Variants in DNMBP observed in about 807,000 individuals in gnomAD.
DNMBP encodes dynamin binding protein.
In DNMBP, 87 loss-of-function variants were observed where a neutral mutation model predicts 150.0. The ratio of observed to expected loss-of-function variants is 0.58; its 90% CI spans 0.49 to 0.69. The LOEUF (loss-of-function observed/expected upper bound fraction) is 0.69, where lower values mean the gene tolerates loss of function less well. Ranked by LOEUF, DNMBP falls within the 30% of genes least tolerant of loss-of-function variation. The pLI, the probability that DNMBP is intolerant of heterozygous loss-of-function variation, is 0.00. For synonymous variants in DNMBP, 711 were observed against 750.4 expected (o/e 0.95, Z 0.86); for missense variants, 1,774 against 1,949.0 (o/e 0.91, Z 1.69).
At chr10:99,950,054 A>G (rs1485379338) in intron 4 of DNMBP, among the ~76,000 whole-genome samples, 1 of 152,054 alleles carries the variant, frequency 6.6e-6, no homozygotes, top group Non-Finnish European at 1.5e-5. Flanking sequence ...TTGAATTCCT[A>G]CGTGTTGTGG....
At chr10:99,932,081 T>C (rs915761555) in intron 4 of DNMBP, among the ~76,000 whole-genome samples, 6 of 152,226 alleles carry the variant, frequency 3.9e-5, no homozygotes, top group Middle Eastern at 3.2e-3. Context: ...CAAAGAGTCA[T>C]GAGGTTTTTG....
At chr10:99,940,658 A>AT (rs968365000) in intron 4 of DNMBP, among the ~76,000 whole-genome samples, 1 of 151,942 alleles carries the variant, frequency 6.6e-6, no homozygotes, top group African/African-American at 2.4e-5. Flanking sequence ...CCACTACCCT[A>AT]TTTTTTTGCT....
intron 4 of DNMBP, among the ~76,000 whole-genome samples, chr10:99,916,953 A>C (rs919683624): frequency 6.6e-6 from 1 of 151,988 alleles, no homozygotes; most frequent in African/African-American, 2.4e-5. Flanking sequence ...AGTGAGCGAG[A>C]TCACGCCACT....
At chr10:99,964,743 C>T (rs1426815395) in intron 3 of DNMBP, among the ~76,000 whole-genome samples, 1 of 151,690 alleles carries the variant, frequency 6.6e-6, no homozygotes, top group Non-Finnish European at 1.5e-5. Flanking sequence ...TGGTGGCACA[C>T]ACCTGTAATC....
At chr10:99,929,904 G>C in intron 4 of DNMBP, 1 of 702,920 alleles carries the variant, frequency 1.4e-6, no homozygotes, top group South Asian at 1.5e-5. Flanking sequence ...TTGATGGAGA[G>C]AATCTGTCCC....
intron 4 of DNMBP, chr10:99,929,962 AG>A (rs1564735690): frequency 1.4e-6 from 1 of 702,910 alleles, no homozygotes; most frequent in South Asian, 1.5e-5. Flanking sequence ...AAAGCATCAT[AG>A]CCTTTATTTT....
chr10:99,970,725 C>A (rs992892794), intron 2 of DNMBP, among the ~76,000 whole-genome samples: 9 of 151,964 alleles, frequency 5.9e-5, no homozygotes, highest in African/African-American at 2.2e-4. Flanking sequence ...GTAATCCCAG[C>A]ACTTTGGGAG....
intron 4 of DNMBP, among the ~76,000 whole-genome samples, chr10:99,953,241 T>C (rs1447358080): frequency 1.3e-5 from 2 of 152,142 alleles, no homozygotes; most frequent in Non-Finnish European, 2.9e-5. Context: ...GCAAGTCACT[T>C]AATCTCTTTT....
At chr10:99,913,975 T>A (rs529958536) in intron 4 of DNMBP, 1 of 1,461,334 alleles carries the variant, frequency 6.8e-7, no homozygotes. Context: ...GAGCTGGCTG[T>A]GTGTGGAGGT....
intron 1 of DNMBP, among the ~76,000 whole-genome samples, chr10:100,003,298 G>T (rs2133391708): frequency 6.6e-6 from 1 of 152,320 alleles, no homozygotes; most frequent in East Asian, 1.9e-4. Context: ...AGTGAGCAGA[G>T]ATCGAGCCAC....
chr10:99,903,621 C>T (rs112188435), intron 6 of DNMBP, among the ~76,000 whole-genome samples: 3 of 152,122 alleles, frequency 2.0e-5, no homozygotes, highest in Non-Finnish European at 4.4e-5. Context: ...CGTGGGCCAC[C>T]GTGCCTGGCC....
chr10:99,993,861 G>A (rs10159644), intron 1 of DNMBP, among the ~76,000 whole-genome samples: 7,807 of 152,128 alleles, frequency 0.051, 223 homozygotes, highest in African/African-American at 0.078. Flanking sequence ...ATTCTGCCTT[G>A]AAAAAAGCTA....
At chr10:99,971,521 T>G (rs2040676728) in intron 2 of DNMBP, among the ~76,000 whole-genome samples, 1 of 151,426 alleles carries the variant, frequency 6.6e-6, no homozygotes, top group Non-Finnish European at 1.5e-5. Flanking sequence ...TTATTTTTAT[T>G]ATTTATTTAC....
At chr10:99,891,470 CAG>C (rs2039559150) in intron 11 of DNMBP, among the ~76,000 whole-genome samples, 1 of 152,066 alleles carries the variant, frequency 6.6e-6, no homozygotes, top group Admixed American at 6.5e-5. Context: ...CTCGTTCACT[CAG>C]TGCTCAATGG....
chr10:99,909,018 T>C lies in DNMBP; in HGVS notation c.2389A>G (p.Arg797Gly), dbSNP rs781203499. Residue 797 changes from arginine to glycine, a missense_variant, in exon 5 of 17, where the codon AGA becomes GGA. Around this residue, in one of 2 missense-constraint regions of DNMBP, gnomAD observed 1,430 missense variants for 1,492.5 expected, o/e 0.96. Coordinates refer to ENST00000324109, the MANE Select transcript of DNMBP (RefSeq NM_015221.4). ...KVIEELLQTERDYIRDLEMCI... is the reference protein window; with the variant it reads ...KVIEELLQTEGDYIRDLEMCI... ...ATTTCCAGATCCCGAATGTAGTCTC[T>C]TTCTGTCTGAAGAAGTTCTTCTATG... 4.5e-5 allele frequency: 72 copies of C among 1,614,126 alleles called. 2 individuals are homozygous for C. In the Middle Eastern group the frequency reaches 8.2e-4, roughly 18 times the overall value.
intron 1 of DNMBP, among the ~76,000 whole-genome samples, chr10:99,991,600 C>T (rs2040891932): frequency 6.6e-6 from 1 of 151,080 alleles, no homozygotes; most frequent in Non-Finnish European, 1.5e-5. Context: ...ATATGATCAG[C>T]TTCATCATGA....
Position 99,895,049 on chromosome 10 carries a change from A to T in DNMBP, c.3053T>A (p.Ile1018Lys), listed in dbSNP as rs1397094331. ...TGTTTCTTCAAATACTTCATCTTTT[A>T]TCTGTTCAAAAATAAACAAGTGCTG... Reference protein sequence around the residue: ...LKHLTGFAPQIKDEVFEETEK... With the variant: ...LKHLTGFAPQKKDEVFEETEK... Residue 1018 changes from isoleucine (I) to lysine (K), a missense_variant and splice_region_variant, in exon 11 of 17, where the codon ATA (isoleucine) becomes AAA (lysine). Around this residue, in one of 2 missense-constraint regions of DNMBP, gnomAD observed 1,430 missense variants for 1,492.5 expected, o/e 0.96. Coordinates refer to ENST00000324109, the MANE Select transcript of DNMBP (RefSeq NM_015221.4). 1 of 1,589,094 alleles carries T rather than the reference A, an allele frequency of 6.3e-7. No individual in the cohort carries two copies. The highest frequency in any genetic ancestry group is 2.2e-5 in the East Asian group (1 of 44,672).
At chr10:99,897,906 C>CT (rs919345037) in intron 9 of DNMBP, 180 bp downstream of exon 9, 25 of 600,606 alleles carry the variant, frequency 4.2e-5, no homozygotes, top group East Asian at 1.2e-4. Context: ...GAGCAAGACT[C>CT]TGTCTCAAAA....
At chr10:99,899,256 C>T (rs112950410) in intron 7 of DNMBP, among the ~76,000 whole-genome samples, 24 of 151,874 alleles carry the variant, frequency 1.6e-4, no homozygotes, top group Admixed American at 1.2e-3. Context: ...TCTACTTATC[C>T]ATATATCTTT....
Sources: gnomAD v4.1 joint callset for allele counts (sites outside exome capture counted in the v4.1 genomes callset) on GRCh38, gnomAD v4.1.1 for gene constraint, gnomAD v4.1.1 regional missense constraint, MANE v1.5 for transcripts, NCBI Gene and HGNC (gene_info 2026-07-23, HGNC 2026-07-21) for gene names.